Variants in SPSB1 observed in about 807,000 individuals in gnomAD.
The protein encoded by SPSB1 is splA/ryanodine receptor domain and SOCS box containing 1, also known as SPRY domain-containing SOCS box protein 1.
Under a neutral mutation model 21.2 loss-of-function variants are expected in SPSB1, and 8 were observed. The observed-to-expected ratio is 0.38, with a 90% CI of 0.22 to 0.68. SPSB1 has a LOEUF of 0.68. Among genes scored for constraint, SPSB1 ranks in the 30% least tolerant of loss-of-function variants. The pLI, the probability that SPSB1 is intolerant of heterozygous loss-of-function variation, is 0.53. For missense variants in SPSB1, 242 were observed against 377.8 expected (o/e 0.64, Z 2.98); for synonymous variants, 169 against 161.7 (o/e 1.05, Z -0.34).
At chr1:9,331,920 G>T (rs757023185) in intron 1 of SPSB1, among the ~76,000 whole-genome samples, 32 of 152,070 alleles carry the variant, frequency 2.1e-4, no homozygotes, top group Non-Finnish European at 1.0e-4. Context: ...TCTTTGCATT[G>T]TCTGTTCCAG....
chr1:9,300,678 G>T (rs1041074780), intron 1 of SPSB1, among the ~76,000 whole-genome samples: 1 of 152,178 alleles, frequency 6.6e-6, no homozygotes, highest in African/African-American at 2.4e-5. Flanking sequence ...TGATCTGACC[G>T]ACCAAACCAG....
intron 1 of SPSB1, among the ~76,000 whole-genome samples, chr1:9,316,611 C>T (rs114892223): frequency 0.011 from 1,610 of 152,198 alleles, 23 homozygotes; most frequent in African/African-American, 0.037. Context: ...AGGCTGGGAG[C>T]GTTTTGCTAC....
intron 1 of SPSB1, among the ~76,000 whole-genome samples, chr1:9,337,425 A>G (rs1640021176): frequency 6.6e-6 from 1 of 151,764 alleles, no homozygotes; most frequent in South Asian, 2.1e-4. Context: ...CTGCCCACCT[A>G]GCCAGTGAGA....
intron 1 of SPSB1, among the ~76,000 whole-genome samples, chr1:9,326,357 C>T (rs1212462189): frequency 4.6e-5 from 7 of 152,298 alleles, no homozygotes; most frequent in Admixed American, 2.0e-4. Context: ...GACTGGGCCC[C>T]GTGGAAGCTC....
chr1:9,331,321 G>GTTTTTTTT (rs34199175), intron 1 of SPSB1, among the ~76,000 whole-genome samples: 1 of 53,704 alleles, frequency 1.9e-5, no homozygotes, highest in Non-Finnish European at 3.3e-5. Flanking sequence ...TGGTGCTCTT[G>GTTTTTTTT]TTTTTTTTTT....
chr1:9,345,051 C>T lies in SPSB1; in HGVS notation c.-149-10692C>T, dbSNP rs558850959. 4.6e-5 allele frequency among the ~76,000 whole-genome samples: 7 copies of T among 152,342 alleles called. No homozygotes were observed. Among genetic ancestry groups the T allele is most frequent in the African/African-American group, 1.7e-4 (7 of 41,586 alleles). On this transcript the variant is annotated intron_variant, in intron 1 of 2. Coordinates refer to ENST00000328089, the MANE Select transcript of SPSB1 (RefSeq NM_025106.4). This position sits in a 1 kb window ranked among gnomAD's most constrained non-coding sequence, Gnocchi z 4.8. ...GGGGGAAAGTGGCAGACTTTGGATG[C>T]ACTCCAGCCTCTTCCTCTCAGGCCA...
In SPSB1 at chr1:9,324,471, C is replaced by T. The variant is rs1639779124; in HGVS notation, c.-149-31272C>T. On this transcript the variant is annotated intron_variant, in intron 1 of 2. Coordinates refer to ENST00000328089, the MANE Select transcript of SPSB1 (RefSeq NM_025106.4). This position sits in a 1 kb window ranked among gnomAD's most constrained non-coding sequence, Gnocchi z 4.3. The stretch of plus-strand genomic sequence containing the variant: ...CCTGGCTGTCCTCCATGGTGTCTCT[C>T]TGTGCCCAGCCTCTGGAGGGTCGGC... 6.6e-6 allele frequency among the ~76,000 whole-genome samples: 1 copy of T among 151,044 alleles called. No homozygotes were observed. The highest frequency in any genetic ancestry group is 2.4e-5 in the African/African-American group (1 of 41,206).
At chr1:9,349,258 G>T (rs867000224) in intron 1 of SPSB1, among the ~76,000 whole-genome samples, 1 of 152,166 alleles carries the variant, frequency 6.6e-6, no homozygotes, top group Admixed American at 6.5e-5. Flanking sequence ...CCCGTTTTTC[G>T]CTCCTCTCTG....
At chr1:9,333,433 C>A (rs1196211365) in intron 1 of SPSB1, among the ~76,000 whole-genome samples, 1 of 151,100 alleles carries the variant, frequency 6.6e-6, no homozygotes, top group Non-Finnish European at 1.5e-5. Context: ...CAGGTTCAGG[C>A]GATTCTTCTG....
intron 1 of SPSB1, among the ~76,000 whole-genome samples, chr1:9,311,930 C>T (rs1013300571): frequency 6.6e-6 from 1 of 152,062 alleles, no homozygotes; most frequent in African/African-American, 2.4e-5. Context: ...GGTTTTCTCT[C>T]CTTAAGCCAG....
At chr1:9,337,940 A>G (rs1315347095) in intron 1 of SPSB1, among the ~76,000 whole-genome samples, 5 of 152,166 alleles carry the variant, frequency 3.3e-5, no homozygotes, top group African/African-American at 1.2e-4. Flanking sequence ...TCTTCCGGTG[A>G]GGAAGGGACG....
chr1:9,325,328 G>C (rs564354662), intron 1 of SPSB1, among the ~76,000 whole-genome samples: 1 of 152,268 alleles, frequency 6.6e-6, no homozygotes, highest in East Asian at 1.9e-4. Context: ...GGCTGTGTGG[G>C]ATTGAGCTCT....
chr1:9,323,731 T>C (rs1283500623), intron 1 of SPSB1, among the ~76,000 whole-genome samples: 5 of 152,172 alleles, frequency 3.3e-5, no homozygotes, highest in African/African-American at 1.2e-4. Context: ...TTGGAGGTCC[T>C]CAAGGTGGCT....
rs34199175 is a variant in SPSB1, at chr1:9,331,321, G to GTTTTTT, written c.-149-24401_-149-24396dup. On this transcript the variant is annotated intron_variant, in intron 1 of 2. Coordinates refer to ENST00000328089, the MANE Select transcript of SPSB1 (RefSeq NM_025106.4). Reference sequence around the variant, plus strand: ...ATCTCCTTCTGCTACTGGTGCTCTTGTTTTTTTTTTTTTTTTTTTTTTTTT... The same window carrying GTTTTTT: ...ATCTCCTTCTGCTACTGGTGCTCTTGTTTTTTTTTTTTTTTTTTTTTTTTTTTTTTT... Among the ~76,000 whole-genome samples, 6 of 53,704 alleles carry GTTTTTT rather than the reference G, an allele frequency of 1.1e-4. 2 individuals are homozygous for GTTTTTT. The highest frequency in any genetic ancestry group is 2.4e-4 in the African/African-American group (3 of 12,586). The allele number at this position is 53,704 out of a possible 152,430, so 35.2% of individuals were successfully genotyped here.
In SPSB1 at chr1:9,329,704, C is replaced by CAAA. The variant is rs370850231; in HGVS notation, c.-149-26023_-149-26021dup. Among the ~76,000 whole-genome samples the CAAA allele has an allele frequency of 7.9e-3, 689 of 87,020 alleles. 4 individuals carry two copies. Among genetic ancestry groups the CAAA allele is most frequent in the African/African-American group, 0.021 (660 of 32,156 alleles). The allele number at this position is 87,020 out of a possible 152,430, so 57.1% of individuals were successfully genotyped here. On this transcript the variant is annotated intron_variant, in intron 1 of 2. Coordinates refer to ENST00000328089, the MANE Select transcript of SPSB1 (RefSeq NM_025106.4). Reference sequence around the variant, plus strand: ...TGAGACCTCATTTCAAAAACAACAACAAAAAAAAAAAAAAAAAAGAGAAAA... The same window carrying CAAA: ...TGAGACCTCATTTCAAAAACAACAACAAAAAAAAAAAAAAAAAAAAAGAGAAAA...
rs1269583228 is a variant in SPSB1 at position 9,355,791 on chromosome 1, T to TA, written c.-101_-100insA. ...TGCAGAGGTCTCCTGGCAGCCCTCA[T>TA]TAGGAATTCTGTCTGGCCCCGATCA... is the stretch of plus-strand genomic sequence containing the variant. On this transcript the variant is annotated 5_prime_UTR_variant, in exon 2 of 3. Transcript: ENST00000328089. 1 of 1,495,070 alleles carries TA rather than the reference T, an allele frequency of 6.7e-7. No homozygotes were observed. The allele number at this position is 1,495,070 out of a possible 1,614,324, so 92.6% of individuals were successfully genotyped here.
chr1:9,338,222 C>T (rs1014132869), intron 1 of SPSB1, among the ~76,000 whole-genome samples: 1 of 152,194 alleles, frequency 6.6e-6, no homozygotes, highest in African/African-American at 2.4e-5. Context: ...TTTCTTCAGG[C>T]TTCTGCTCAT....
At position 9,345,587 on chromosome 1, in the gene SPSB1, G is replaced by C. The variant is rs545402387; in HGVS notation, c.-149-10156G>C. 1.5e-3 allele frequency among the ~76,000 whole-genome samples: 223 copies of C among 152,328 alleles called. 2 individuals carry two copies. The highest frequency in any genetic ancestry group is 2.4e-3 in the Non-Finnish European group (166 of 68,028). On this transcript the variant is annotated intron_variant, in intron 1 of 2. Coordinates refer to ENST00000328089, the MANE Select transcript of SPSB1 (RefSeq NM_025106.4). This position sits in a 1 kb window ranked among gnomAD's most constrained non-coding sequence, Gnocchi z 4.8. ...CCGTTGTCCTCGCCACCCTGACTAA[G>C]CTACAGCTGCGATATATTGTAATTT...
At position 9,367,577 on chromosome 1, in the gene SPSB1, G is replaced by C; in HGVS notation, c.*2G>C. 6.2e-7 allele frequency: 1 copy of C among 1,604,274 alleles called. No individual in the cohort carries two copies. The highest frequency in any genetic ancestry group is 8.5e-7 in the Non-Finnish European group (1 of 1,173,714). ...AAGGCCTACCTCCTCTACCAGTGACGTTCGCCATCATACCGCCAGCGCGAC... is the reference window on the plus strand; with the variant it reads ...AAGGCCTACCTCCTCTACCAGTGACCTTCGCCATCATACCGCCAGCGCGAC... On this transcript the variant is annotated 3_prime_UTR_variant, in exon 3 of 3. Coordinates refer to ENST00000328089, the MANE Select transcript of SPSB1 (RefSeq NM_025106.4). This position sits in a 1 kb window ranked among gnomAD's most constrained non-coding sequence, Gnocchi z 5.9.
Sources: gnomAD v4.1 joint callset for allele counts (sites outside exome capture counted in the v4.1 genomes callset) on GRCh38, gnomAD v4.1.1 for gene constraint, Gnocchi (gnomAD v3.1) non-coding constraint, MANE v1.5 for transcripts, NCBI Gene and HGNC (gene_info 2026-07-23, HGNC 2026-07-21) for gene names.